PRRX1: variants seen among roughly 807,000 people sequenced by gnomAD.
PRRX1 encodes paired mesoderm homeobox protein 1.
In PRRX1, 8 loss-of-function variants were observed where a neutral mutation model predicts 24.0. That is an observed-to-expected ratio of 0.33 (90% confidence interval 0.20 to 0.60). PRRX1 has a LOEUF of 0.60. PRRX1 is among the 20% of genes least tolerant of loss of function. The pLI, the probability that PRRX1 is intolerant of heterozygous loss-of-function variation, is 0.82. For synonymous variants in PRRX1, 160 were observed against 131.7 expected, an observed-to-expected ratio of 1.22 and a Z score of -1.47; for missense variants, 281 against 322.4, an observed-to-expected ratio of 0.87 and a Z score of 0.98.
rs191237385 is a variant in PRRX1, at chr1:170,739,205, C to T, written c.*3019C>T. 374 of 203,390 alleles carry T rather than the reference C, an allele frequency of 1.8e-3. 2 individuals are homozygous for T. The highest frequency in any genetic ancestry group is 1.8e-3 in the Non-Finnish European group (178 of 98,796). The allele number at this position is 203,390 out of a possible 1,614,324, so 12.6% of individuals were successfully genotyped here. On this transcript the variant is annotated 3_prime_UTR_variant, in exon 4 of 4. Transcript: ENST00000239461. ...CCTCAATCTCCCTTCAAACAAGATG[C>T]TGATTTGTAGGGTACTTGGCAGGTT...
At chr1:170,703,531 G>C (rs1654459596) in intron 1 of PRRX1, among the ~76,000 whole-genome samples, 2 of 152,200 alleles carry the variant, frequency 1.3e-5, no homozygotes, top group African/African-American at 4.8e-5. Flanking sequence ...AAAGTATATA[G>C]CAAAAGTACA....
At chr1:170,721,436 G>A (rs1053539819) in intron 2 of PRRX1, among the ~76,000 whole-genome samples, 1 of 152,128 alleles carries the variant, frequency 6.6e-6, no homozygotes, top group African/African-American at 2.4e-5. Context: ...GTCTATGGAG[G>A]AGGCACAGTA....
chr1:170,716,924 G>A (rs1181903084), intron 1 of PRRX1, among the ~76,000 whole-genome samples: 2 of 152,186 alleles, frequency 1.3e-5, no homozygotes, highest in African/African-American at 4.8e-5. Flanking sequence ...ATACTGTGCT[G>A]GGTCCTGTTC....
At chr1:170,714,745 G>A (rs905067644) in intron 1 of PRRX1, among the ~76,000 whole-genome samples, 2 of 152,092 alleles carry the variant, frequency 1.3e-5, no homozygotes, top group Non-Finnish European at 2.9e-5. Context: ...CTTGAGGATG[G>A]CACTTTATGC....
At chr1:170,690,525 T>G (rs1408462992) in intron 1 of PRRX1, among the ~76,000 whole-genome samples, 1 of 152,104 alleles carries the variant, frequency 6.6e-6, no homozygotes, top group Non-Finnish European at 1.5e-5. Flanking sequence ...GATCTTAGCA[T>G]TTATTTATAA....
chr1:170,737,860 C>A lies in PRRX1; in HGVS notation c.*1674C>A, dbSNP rs1012610557. On this transcript the variant is annotated 3_prime_UTR_variant, in exon 4 of 4. Transcript: ENST00000239461. ...CTATTCATTTGCTCCTTTATTCTTT[C>A]CTGTATTCTCTGTATGTCCAGCACT... 13 of 215,026 alleles carry A rather than the reference C, an allele frequency of 6.0e-5. No homozygotes were observed. Among genetic ancestry groups the A allele is most frequent in the Non-Finnish European group, 1.0e-4 (11 of 106,336 alleles). 13.3% of individuals were successfully genotyped at this position (215,026 alleles called of 1,614,324 possible). A position where few individuals can be genotyped will look rare whatever the true frequency, so the allele number is the denominator to read the frequency against.
At chr1:170,692,394 T>G (rs1654017996) in intron 1 of PRRX1, among the ~76,000 whole-genome samples, 1 of 152,124 alleles carries the variant, frequency 6.6e-6, no homozygotes, top group African/African-American at 2.4e-5. Context: ...GGTGAGCCTG[T>G]CGGGATATCT....
intron 3 of PRRX1, among the ~76,000 whole-genome samples, chr1:170,730,835 C>T (rs1209564745): frequency 1.3e-5 from 2 of 152,112 alleles, no homozygotes; most frequent in African/African-American, 4.8e-5. Context: ...CAATAATCTC[C>T]CTATTGCTTA....
chr1:170,700,394 T>G (rs1049143672), intron 1 of PRRX1, among the ~76,000 whole-genome samples: 1 of 152,114 alleles, frequency 6.6e-6, no homozygotes, highest in Admixed American at 6.5e-5. Flanking sequence ...TCAGAGCTCT[T>G]CCATACATTA....
intron 3 of PRRX1, 76 bp downstream of exon 3, chr1:170,726,477 T>C: frequency 6.7e-7 from 1 of 1,497,796 alleles, no homozygotes; most frequent in South Asian, 1.2e-5. Context: ...AAGCTGCTTG[T>C]GCAGCTCACC....
chr1:170,735,109 G>C (rs1165245418), intron 3 of PRRX1, among the ~76,000 whole-genome samples: 1 of 152,158 alleles, frequency 6.6e-6, no homozygotes, highest in Non-Finnish European at 1.5e-5. Flanking sequence ...TAACTATTTA[G>C]TAGAAAGACT....
chr1:170,691,883 G>T (rs1653995669), intron 1 of PRRX1, among the ~76,000 whole-genome samples: 2 of 152,076 alleles, frequency 1.3e-5, no homozygotes, highest in Admixed American at 6.6e-5. Flanking sequence ...GCACTATGGG[G>T]CCTTCTGTTA....
At chr1:170,663,856 T>C (rs961387859), upstream of PRRX1, 3 of 223,342 alleles carry the variant, frequency 1.3e-5, no homozygotes, top group African/African-American at 2.3e-5. Flanking sequence ...TGTGGACACT[T>C]TTGGAGAGTT....
chr1:170,664,147 C>T lies in PRRX1; in HGVS notation c.-72C>T. The T allele has an allele frequency of 2.0e-6, 3 of 1,497,496 alleles. No homozygotes were observed. The highest frequency in any genetic ancestry group is 4.0e-5 in the Admixed American group (2 of 49,570). The allele number at this position is 1,497,496 out of a possible 1,614,324, so 92.8% of individuals were successfully genotyped here. A position where few individuals can be genotyped will look rare whatever the true frequency, so the allele number is the denominator to read the frequency against. ...TTCTTCCCCACTCGGCTCCTCTCCC[C>T]CCTCGCGCCCACAGCGTTTGGTGTT... On this transcript the variant is annotated 5_prime_UTR_variant, in exon 1 of 4. Transcript: ENST00000239461.
chr1:170,736,424 A>G lies in PRRX1; in HGVS notation c.*238A>G, dbSNP rs1655605892. The G allele has an allele frequency of 1.7e-6, 1 of 573,188 alleles. No individual in the cohort carries two copies. 35.5% of individuals were successfully genotyped at this position (573,188 alleles called of 1,614,324 possible). A position where few individuals can be genotyped will look rare whatever the true frequency, so the allele number is the denominator to read the frequency against. ...CCACCACTTGTTTCTGTGTGTGTTT[A>G]TTTTGTTTTTCTTTCATTCATGCTT... On this transcript the variant is annotated 3_prime_UTR_variant, in exon 4 of 4. Transcript: ENST00000239461.
chr1:170,673,541 C>T (rs375544144), intron 1 of PRRX1, among the ~76,000 whole-genome samples: 218 of 152,322 alleles, frequency 1.4e-3, no homozygotes, highest in African/African-American at 5.1e-3. Flanking sequence ...TAATAACCAT[C>T]TATATACTAA....
At chr1:170,675,722 T>C (rs955486399) in intron 1 of PRRX1, among the ~76,000 whole-genome samples, 1 of 152,122 alleles carries the variant, frequency 6.6e-6, no homozygotes, top group Non-Finnish European at 1.5e-5. Context: ...TATTATGAAG[T>C]CTATGTAAAA....
At position 170,674,240 on chromosome 1, in the gene PRRX1, G is replaced by A. The variant is rs1473851336; in HGVS notation, c.241+9781G>A. ...CACGTGTGCGCGCTTGCGCACGCACGCACACACACACACACAGATTGTAAC... is the reference window on the plus strand; with the variant it reads ...CACGTGTGCGCGCTTGCGCACGCACACACACACACACACACAGATTGTAAC... On this transcript the variant is annotated intron_variant, in intron 1 of 3. Coordinates refer to ENST00000239461, the MANE Select transcript of PRRX1 (RefSeq NM_022716.4). Among the ~76,000 whole-genome samples the A allele has an allele frequency of 6.0e-5, 9 of 150,920 alleles. No individual in the cohort carries two copies. The East Asian group carries it at 9.8e-4, about 16-fold the overall frequency.
intron 1 of PRRX1, among the ~76,000 whole-genome samples, chr1:170,671,259 C>G (rs1653132524): frequency 6.6e-6 from 1 of 152,188 alleles, no homozygotes; most frequent in Non-Finnish European, 1.5e-5. Context: ...GAACAGGGGG[C>G]TCTTTTTGGA....
Sources: allele counts gnomAD v4.1 joint callset (sites outside exome capture counted in the v4.1 genomes callset), GRCh38; gene constraint gnomAD v4.1.1; transcripts MANE v1.5; gene names NCBI Gene and HGNC (gene_info 2026-07-23, HGNC 2026-07-21).